Variants in ADGRB3 observed in about 807,000 individuals in gnomAD.
ADGRB3 encodes the protein brain-specific angiogenesis inhibitor 3.
Under a neutral mutation model 193.4 loss-of-function variants are expected in ADGRB3, and 37 were observed. That is an observed-to-expected ratio of 0.19 (90% CI 0.15 to 0.25). The LOEUF (loss-of-function observed/expected upper bound fraction) is 0.25, where lower values mean the gene tolerates loss of function less well. ADGRB3 is among the 10% of genes least tolerant of loss of function. ADGRB3 has a pLI of 1.00. For synonymous variants in ADGRB3, 690 were observed against 644.2 expected (o/e 1.07, Z -1.08); for missense variants, 1,637 against 1,852.9 (o/e 0.88, Z 2.14).
At chr6:68,853,201 A>T (rs913811185) in intron 3 of ADGRB3, among the ~76,000 whole-genome samples, 1 of 152,120 alleles carries the variant, frequency 6.6e-6, no homozygotes, top group Non-Finnish European at 1.5e-5. Context: ...GCCAAAGCAG[A>T]ACAAATTATG....
rs183484991 is a variant in ADGRB3 at position 69,039,447 on chromosome 6, G to A, written c.2108-8738G>A. On this transcript the variant is annotated intron_variant, in intron 13 of 31. Transcript: ENST00000370598. ...AGGGCTACCGTATGTCTAAGATGAT[G>A]TAGGCAAGCTTTTTCTGTAAAGGGA... 2.4e-3 allele frequency among the ~76,000 whole-genome samples: 360 copies of A among 152,134 alleles called. 1 individual carries two copies. The highest frequency in any genetic ancestry group is 8.4e-3 in the African/African-American group (350 of 41,534).
At chr6:69,288,587 CTT>C (rs1171944161) in intron 20 of ADGRB3, among the ~76,000 whole-genome samples, 1 of 152,160 alleles carries the variant, frequency 6.6e-6, no homozygotes, top group South Asian at 2.1e-4. Context: ...TTACTCAACT[CTT>C]TTTATATTGT....
At chr6:69,088,669 C>T (rs535388062) in intron 17 of ADGRB3, among the ~76,000 whole-genome samples, 7 of 152,272 alleles carry the variant, frequency 4.6e-5, no homozygotes, top group East Asian at 1.9e-4. Context: ...CCACTGTGCC[C>T]GGCCAATCTT....
At chr6:68,750,506 T>C (rs1766176927) in intron 3 of ADGRB3, among the ~76,000 whole-genome samples, 1 of 152,250 alleles carries the variant, frequency 6.6e-6, no homozygotes, top group Admixed American at 6.5e-5. Flanking sequence ...TTCATCTATA[T>C]ATTTGCACTG....
At chr6:68,996,550 C>T (rs1769389309) in intron 11 of ADGRB3, among the ~76,000 whole-genome samples, 1 of 152,164 alleles carries the variant, frequency 6.6e-6, no homozygotes, top group Non-Finnish European at 1.5e-5. Context: ...TACTCTTTCT[C>T]CTCACAGACC....
intron 3 of ADGRB3, among the ~76,000 whole-genome samples, chr6:68,709,225 A>C (rs190159798): frequency 6.6e-6 from 1 of 152,336 alleles, no homozygotes; most frequent in East Asian, 1.9e-4. Context: ...TATTTCAGCT[A>C]TTTAATAGCG....
intron 20 of ADGRB3, among the ~76,000 whole-genome samples, chr6:69,243,366 T>A (rs892327287): frequency 6.6e-6 from 1 of 151,986 alleles, no homozygotes; most frequent in African/African-American, 2.4e-5. Flanking sequence ...ACCCTGTATG[T>A]AACATTCAGT....
At chr6:69,372,372 T>C (rs1286434707) in intron 29 of ADGRB3, 34 bp from the exon 30 acceptor site, 2 of 1,237,124 alleles carry the variant, frequency 1.6e-6, no homozygotes, top group Non-Finnish European at 2.2e-6. Flanking sequence ...ACTTTATTGG[T>C]TTTTCTCCTT....
intron 3 of ADGRB3, among the ~76,000 whole-genome samples, chr6:68,683,475 G>A (rs538145242): frequency 7.9e-5 from 12 of 152,244 alleles, no homozygotes; most frequent in African/African-American, 2.9e-4. Context: ...AAAATTATAT[G>A]TACTAAAAGC....
chr6:68,736,182 A>C (rs78557812), intron 3 of ADGRB3, among the ~76,000 whole-genome samples: 1 of 46,910 alleles, frequency 2.1e-5, no homozygotes, highest in Non-Finnish European at 4.3e-5. Context: ...CTGGCTAATT[A>C]AAAAAAAAAA....
intron 17 of ADGRB3, among the ~76,000 whole-genome samples, chr6:69,139,405 C>G (rs1774251245): frequency 6.6e-6 from 1 of 152,166 alleles, no homozygotes; most frequent in Non-Finnish European, 1.5e-5. Context: ...GCATTCTGCT[C>G]TCAGTGAGAG....
intron 3 of ADGRB3, among the ~76,000 whole-genome samples, chr6:68,644,291 T>C (rs1046224671): frequency 1.3e-5 from 2 of 152,178 alleles, no homozygotes; most frequent in Non-Finnish European, 2.9e-5. Context: ...CTCCAAGGTG[T>C]TATTTTAAAA....
At chr6:69,007,973 A>C (rs984154617) in intron 11 of ADGRB3, among the ~76,000 whole-genome samples, 15 of 152,104 alleles carry the variant, frequency 9.9e-5, no homozygotes, top group African/African-American at 3.6e-4. Flanking sequence ...CTAAGAGGTG[A>C]GGAACCCTGC....
chr6:69,154,505 G>A (rs1774775144), intron 17 of ADGRB3, among the ~76,000 whole-genome samples: 4 of 152,106 alleles, frequency 2.6e-5, no homozygotes, highest in Non-Finnish European at 4.4e-5. Context: ...ACACCACACT[G>A]ATTTGCACCT....
chr6:69,048,467 T>A, intron 14 of ADGRB3, 133 bp downstream of exon 14: 1 of 944,668 alleles, frequency 1.1e-6, no homozygotes, highest in Non-Finnish European at 1.5e-6. Flanking sequence ...ACTAATTTTC[T>A]AAATATGGAC....
intron 3 of ADGRB3, among the ~76,000 whole-genome samples, chr6:68,768,843 A>T: frequency 6.6e-6 from 1 of 151,674 alleles, no homozygotes; most frequent in Admixed American, 6.6e-5. Context: ...ACAAATTTAC[A>T]AGAAAAAAAA....
intron 6 of ADGRB3, among the ~76,000 whole-genome samples, chr6:68,944,567 A>T (rs1420358914): frequency 6.6e-6 from 1 of 152,088 alleles, no homozygotes; most frequent in Non-Finnish European, 1.5e-5. Flanking sequence ...TTTTAATTTT[A>T]AATTTAAATT....
At chr6:68,825,881 C>T (rs575664591) in intron 3 of ADGRB3, among the ~76,000 whole-genome samples, 4 of 152,262 alleles carry the variant, frequency 2.6e-5, no homozygotes, top group African/African-American at 9.6e-5. Context: ...TTATAAATTA[C>T]CCAGACTCAG....
intron 17 of ADGRB3, among the ~76,000 whole-genome samples, chr6:69,114,576 T>C (rs1185369912): frequency 1.3e-5 from 2 of 152,322 alleles, no homozygotes; most frequent in South Asian, 2.1e-4. Flanking sequence ...GTCATGAAAG[T>C]CTTTGCCCAT....
Sources: allele counts gnomAD v4.1 joint callset (sites outside exome capture counted in the v4.1 genomes callset), GRCh38; gene constraint gnomAD v4.1.1; transcripts MANE v1.5; gene names NCBI Gene and HGNC (gene_info 2026-07-23, HGNC 2026-07-21).